The following SEMA4B variants were observed in gnomAD, a reference collection of about 807,000 sequenced individuals.
The protein encoded by SEMA4B is semaphorin 4B.
In SEMA4B, 55 loss-of-function variants were observed where a neutral mutation model predicts 88.1. The observed-to-expected ratio is 0.62, with a 90% CI of 0.50 to 0.78. The LOEUF is 0.78. SEMA4B is among the 30% of genes least tolerant of loss of function. SEMA4B has a pLI of 0.00. For synonymous variants in SEMA4B, 525 were observed against 473.6 expected, an observed-to-expected ratio of 1.11 and a Z score of -1.41; for missense variants, 1,062 against 1,111.9, an observed-to-expected ratio of 0.96 and a Z score of 0.64.
chr15:90,229,257 C>T lies in SEMA4B; in HGVS notation c.*614C>T, dbSNP rs908208975. The T allele has an allele frequency of 2.2e-6, 1 of 455,564 alleles. No homozygotes were observed. The highest frequency in any genetic ancestry group is 3.3e-4 in the Middle Eastern group (1 of 3,062). 28.2% of individuals were successfully genotyped at this position (455,564 alleles called of 1,614,324 possible). ...TTGGCACTGCGGCCCTCACCAGGTC[C>T]TGGGCTCGGACCCAACTCCTGGACC... On this transcript the variant is annotated 3_prime_UTR_variant, in exon 14 of 14. Coordinates refer to ENST00000411539, the MANE Select transcript of SEMA4B (RefSeq NM_198925.4).
At chr15:90,206,686 CA>C in intron 1 of SEMA4B, 1 of 705,864 alleles carries the variant, frequency 1.4e-6, no homozygotes. Context: ...GCAAAGCTAC[CA>C]AAGCCTTAGA....
Position 90,223,651 on chromosome 15 carries a change from C to T in SEMA4B, c.954C>T (p.Pro318=). The change falls in exon 8 of 14, where the codon CCC becomes CCT. Residue 318 remains proline, a synonymous_variant. Coordinates refer to ENST00000411539, the MANE Select transcript of SEMA4B (RefSeq NM_198925.4). The part of the protein sequence containing the change: ...LLCSRPDDGF[P]FNVLQDVFTL... ...GCTCACGGCCCGACGATGGCTTCCC[C>T]TTCAACGTGCTGCAGGATGTCTTCA... The T allele has an allele frequency of 1.2e-6, 2 of 1,613,668 alleles. No homozygotes were observed. Among genetic ancestry groups the T allele is most frequent in the Non-Finnish European group, 1.7e-6 (2 of 1,179,810 alleles).
chr15:90,187,663 G>A lies in SEMA4B; in HGVS notation c.-122+2582G>A, dbSNP rs142136822. On this transcript the variant is annotated intron_variant, in intron 1 of 14. Coordinates refer to the SEMA4B transcript ENST00000332496. ...CTTCTAGAACTCTGCCAAGTTGGCC[G>A]TGGCCACTACCTTTGTTGGAAACAA... Among the ~76,000 whole-genome samples the A allele has an allele frequency of 4.5e-3, 682 of 152,278 alleles. 11 individuals are homozygous for A. The highest frequency in any genetic ancestry group is 0.016 in the African/African-American group (650 of 41,556).
intron 1 of SEMA4B, among the ~76,000 whole-genome samples, chr15:90,202,839 C>T (rs1960810850): frequency 6.6e-6 from 1 of 152,176 alleles, no homozygotes; most frequent in Non-Finnish European, 1.5e-5. Context: ...GCATCCCCAC[C>T]TCTAAAAGCA....
intron 1 of SEMA4B, among the ~76,000 whole-genome samples, chr15:90,213,938 G>A (rs1961395799): frequency 6.6e-6 from 1 of 152,202 alleles, no homozygotes; most frequent in African/African-American, 2.4e-5. Context: ...CCTGACAGAA[G>A]GGCCTACTTG....
rs1961975101 is a variant in SEMA4B at position 90,223,560 on chromosome 15, G to T, written c.863G>T (p.Gly288Val). 1 of 1,583,678 alleles carries T rather than the reference G, an allele frequency of 6.3e-7. No homozygotes were observed. The highest frequency in any genetic ancestry group is 8.6e-7 in the Non-Finnish European group (1 of 1,162,440). Reference sequence around the variant, plus strand: ...CAGCCCATCCGACTCTCCCTCCAGGGCGATGAGGGTGGAGAGCGGGTGCTA... The same window carrying T: ...CAGCCCATCCGACTCTCCCTCCAGGTCGATGAGGGTGGAGAGCGGGTGCTA... The part of the protein sequence containing the change: ...IVSRIARICK[G>V]DEGGERVLQQ... Residue 288 changes from glycine to valine, a missense_variant and splice_region_variant, in exon 8 of 14, where the codon GGC becomes GTC. By Grantham distance (109) the Gly-to-Val change is moderately radical (BLOSUM62 -3). Transcript: ENST00000411539.
chr15:90,186,022 C>T (rs1219985781), intron 1 of SEMA4B, among the ~76,000 whole-genome samples: 1 of 148,842 alleles, frequency 6.7e-6, no homozygotes, highest in Non-Finnish European at 1.5e-5. Context: ...CAACCTCCAC[C>T]TCCCTGGCTC....
rs545359626 is a variant in SEMA4B, at chr15:90,226,256, G to T, written c.1688+429G>T. Among the ~76,000 whole-genome samples the T allele has an allele frequency of 3.3e-5, 5 of 152,300 alleles. No homozygotes were observed. The South Asian group carries it at 8.3e-4, about 25-fold the overall frequency. The stretch of plus-strand genomic sequence containing the variant: ...TACCCCTCATCCCACCACCTAGAGA[G>T]AATCGCAGTGAGATTTTGATATATT... On this transcript the variant is annotated intron_variant, in intron 12 of 13. Transcript: ENST00000411539.
chr15:90,216,951 C>G (rs1450866464), intron 1 of SEMA4B: 1 of 152,702 alleles, frequency 6.5e-6, no homozygotes, highest in African/African-American at 2.4e-5. Flanking sequence ...TCTAATGTCA[C>G]TCAAAGGAAA....
chr15:90,227,523 C>T, intron 12 of SEMA4B, 34 bp from the exon 13 acceptor site: 1 of 1,606,282 alleles, frequency 6.2e-7, no homozygotes, highest in Non-Finnish European at 8.5e-7. Flanking sequence ...CAGGGGACTT[C>T]CTGGCCAATC....
chr15:90,223,753 G>C lies in SEMA4B; in HGVS notation c.1043+13G>C. ...TCACTTCCCAGTGGTAGGGCCTCCA[G>C]ACCTCGCTGGAGATGGAAGGGTGAA... is the stretch of plus-strand genomic sequence containing the variant. On this transcript the variant is annotated intron_variant, in intron 8 of 13. Coordinates refer to ENST00000411539, the MANE Select transcript of SEMA4B (RefSeq NM_198925.4). 1 of 1,603,640 alleles carries C rather than the reference G, an allele frequency of 6.2e-7. No individual in the cohort carries two copies. The highest frequency in any genetic ancestry group is 8.5e-7 in the Non-Finnish European group (1 of 1,172,026).
At chr15:90,196,611 C>T (rs571513806), upstream of SEMA4B, among the ~76,000 whole-genome samples, 4 of 152,046 alleles carry the variant, frequency 2.6e-5, no homozygotes, top group Non-Finnish European at 4.4e-5. Context: ...CTCAGCCTCC[C>T]GAGTAGCTGG....
At chr15:90,205,813 C>T (rs1960959099) in intron 1 of SEMA4B, among the ~76,000 whole-genome samples, 1 of 152,170 alleles carries the variant, frequency 6.6e-6, no homozygotes, top group East Asian at 1.9e-4. Context: ...CAAAGCAAGG[C>T]CCCCAGGAGC....
chr15:90,193,872 G>A (rs1029993689), intron 1 of SEMA4B, among the ~76,000 whole-genome samples: 6 of 151,630 alleles, frequency 4.0e-5, no homozygotes, highest in African/African-American at 1.5e-4. Flanking sequence ...TGGTCGGGGG[G>A]ACGGAGTTTC....
At chr15:90,205,889 G>A (rs1176530468) in intron 1 of SEMA4B, among the ~76,000 whole-genome samples, 5 of 152,168 alleles carry the variant, frequency 3.3e-5, no homozygotes, top group Non-Finnish European at 7.3e-5. Flanking sequence ...TCCTGATTCA[G>A]CCTTTTCAAA....
chr15:90,190,633 T>G (rs7164761), intron 1 of SEMA4B, among the ~76,000 whole-genome samples: 67,190 of 152,022 alleles, frequency 0.44, 17,033 homozygotes, highest in East Asian at 0.71. Context: ...AGGGGTCTGG[T>G]GCTCAGACTG....
At chr15:90,197,387 C>A (rs1273096828), upstream of SEMA4B, among the ~76,000 whole-genome samples, 2 of 152,060 alleles carry the variant, frequency 1.3e-5, no homozygotes, top group Non-Finnish European at 2.9e-5. Context: ...GAGACCCTCT[C>A]TCAATAAAAA....
chr15:90,225,936 C>A, intron 12 of SEMA4B, 109 bp downstream of exon 12: 1 of 825,536 alleles, frequency 1.2e-6, no homozygotes, highest in Non-Finnish European at 1.7e-6. Flanking sequence ...TTTATGTCCA[C>A]TGTCTCAGCA....
chr15:90,221,567 T>C (rs1324362899), intron 6 of SEMA4B, 47 bp from the exon 7 acceptor site: 2 of 1,610,692 alleles, frequency 1.2e-6, no homozygotes, highest in South Asian at 1.1e-5. Context: ...TTGGCCTGTC[T>C]CCAGGGTTCC....
Sources: gnomAD v4.1 joint callset for allele counts (sites outside exome capture counted in the v4.1 genomes callset) on GRCh38, gnomAD v4.1.1 for gene constraint, MANE v1.5 for transcripts, NCBI Gene and HGNC (gene_info 2026-07-23, HGNC 2026-07-21) for gene names.